ADAM22: variants seen among roughly 807,000 people sequenced by gnomAD.
ADAM22 encodes the protein ADAM metallopeptidase domain 22, also known as disintegrin and metalloproteinase domain-containing protein 22.
ADAM22 carries 65 observed loss-of-function variants against 144.6 expected under a neutral mutation model. The observed-to-expected ratio is 0.45, with a 90% CI of 0.37 to 0.55. ADAM22 has a LOEUF of 0.55. ADAM22 is among the 20% of genes least tolerant of loss of function. ADAM22 has a pLI of 0.00. For missense variants in ADAM22, 974 were observed against 1,184.9 expected, an observed-to-expected ratio of 0.82 and a Z score of 2.61; for synonymous variants, 391 against 412.6, an observed-to-expected ratio of 0.95 and a Z score of 0.63.
chr7:88,104,098 AAAG>A (rs529471984), intron 4 of ADAM22, among the ~76,000 whole-genome samples: 21 of 152,272 alleles, frequency 1.4e-4, no homozygotes, highest in Non-Finnish European at 2.6e-4. Flanking sequence ...TGACAGCAAA[AAAG>A]GAGATTATCT....
intron 7 of ADAM22, among the ~76,000 whole-genome samples, chr7:88,120,316 ATCCC>A (rs1371122892): frequency 6.6e-6 from 1 of 151,878 alleles, no homozygotes; most frequent in Non-Finnish European, 1.5e-5. Context: ...TCCTAATGCT[ATCCC>A]TCCCCCCTTC....
At chr7:87,977,488 G>T (rs1015952244) in intron 2 of ADAM22, among the ~76,000 whole-genome samples, 1 of 152,160 alleles carries the variant, frequency 6.6e-6, no homozygotes, top group Non-Finnish European at 1.5e-5. Flanking sequence ...GATTTTAGAG[G>T]TTTGGATACT....
At chr7:88,130,289 C>A (rs1298182095) in intron 9 of ADAM22, 99 bp from the exon 10 acceptor site, 92 of 744,760 alleles carry the variant, frequency 1.2e-4, no homozygotes, top group South Asian at 2.1e-4. Context: ...TTTTTTTTTA[C>A]ATTTTTAGGG....
chr7:88,127,088 A>C (rs1459298151), intron 8 of ADAM22, among the ~76,000 whole-genome samples: 1 of 151,430 alleles, frequency 6.6e-6, no homozygotes, highest in Admixed American at 6.6e-5. Flanking sequence ...ATATAAACAT[A>C]TGTGTGTGTA....
chr7:87,951,104 A>G (rs1726866577), intron 2 of ADAM22, among the ~76,000 whole-genome samples: 1 of 151,882 alleles, frequency 6.6e-6, no homozygotes, highest in Non-Finnish European at 1.5e-5. Context: ...GTTCACTCTG[A>G]TGGTAGTTTC....
At chr7:87,994,665 A>G (rs1057012779) in intron 3 of ADAM22, among the ~76,000 whole-genome samples, 5 of 152,022 alleles carry the variant, frequency 3.3e-5, no homozygotes, top group Admixed American at 6.6e-5. Flanking sequence ...TCAGATTATA[A>G]CAGACAACAA....
intron 3 of ADAM22, among the ~76,000 whole-genome samples, chr7:88,039,623 G>A (rs981608863): frequency 1.3e-5 from 2 of 149,810 alleles, no homozygotes; most frequent in Non-Finnish European, 3.0e-5. Flanking sequence ...GTGTGTGTGT[G>A]TGTGTCTGTG....
chr7:88,045,826 G>C (rs989353952), intron 3 of ADAM22, among the ~76,000 whole-genome samples: 3 of 150,628 alleles, frequency 2.0e-5, no homozygotes, highest in Non-Finnish European at 4.4e-5. Context: ...ATGTCCTCCA[G>C]GTTCATTCGT....
At chr7:88,069,895 C>A (rs74527778) in intron 3 of ADAM22, among the ~76,000 whole-genome samples, 331 of 152,314 alleles carry the variant, frequency 2.2e-3, no homozygotes, top group African/African-American at 7.5e-3. Context: ...CTGGTTTCTC[C>A]TGCTTTGGCA....
intron 3 of ADAM22, among the ~76,000 whole-genome samples, chr7:88,069,733 C>A (rs1243095594): frequency 1.3e-5 from 2 of 151,684 alleles, no homozygotes; most frequent in Non-Finnish European, 2.9e-5. Flanking sequence ...TGAGGTAGCC[C>A]AGGTGTAGAC....
intron 9 of ADAM22, 74 bp from the exon 10 acceptor site, chr7:88,130,314 C>A: frequency 1.7e-6 from 2 of 1,154,568 alleles, no homozygotes; most frequent in East Asian, 2.5e-5. Flanking sequence ...TTCAATTGCA[C>A]CATGTTTTCT....
chr7:88,175,526 A>AG (rs1172720196), intron 26 of ADAM22, among the ~76,000 whole-genome samples: 46 of 152,150 alleles, frequency 3.0e-4, no homozygotes, highest in Non-Finnish European at 7.4e-5. Context: ...ATACGTTTTG[A>AG]GGGGGAAAAA....
At chr7:88,072,156 C>A (rs1171647893) in intron 3 of ADAM22, among the ~76,000 whole-genome samples, 1 of 152,042 alleles carries the variant, frequency 6.6e-6, no homozygotes, top group Non-Finnish European at 1.5e-5. Context: ...CAAACAAAAC[C>A]AAATTGCATG....
intron 2 of ADAM22, among the ~76,000 whole-genome samples, chr7:87,966,427 A>G (rs1305281043): frequency 2.0e-5 from 3 of 152,202 alleles, no homozygotes; most frequent in Non-Finnish European, 2.9e-5. Flanking sequence ...AAGGCCTAGT[A>G]ATGGGCAGTT....
At chr7:87,982,699 A>ATATATATATATATATAT (rs10527361) in intron 3 of ADAM22, among the ~76,000 whole-genome samples, 161 of 62,724 alleles carry the variant, frequency 2.6e-3, no homozygotes, top group African/African-American at 2.8e-3. Context: ...ATATATATAT[A>ATATATATATATATATAT]ATTTTTTTTT....
At chr7:88,132,706 G>T in intron 11 of ADAM22, 161 bp from the exon 12 acceptor site, 6 of 524,964 alleles carry the variant, frequency 1.1e-5, no homozygotes, top group African/African-American at 1.9e-5. Flanking sequence ...CTTTTTCTTT[G>T]GTTACATGTA....
chr7:88,167,312 G>A (rs1843175607), intron 24 of ADAM22, among the ~76,000 whole-genome samples: 1 of 152,084 alleles, frequency 6.6e-6, no homozygotes, highest in Non-Finnish European at 1.5e-5. Flanking sequence ...CTGCCTTTGA[G>A]CCCTCATTTG....
intron 3 of ADAM22, among the ~76,000 whole-genome samples, chr7:88,025,972 A>G (rs1226144105): frequency 6.6e-6 from 1 of 152,136 alleles, no homozygotes; most frequent in African/African-American, 2.4e-5. Flanking sequence ...GGTCATTTTA[A>G]CAATATCTTT....
chr7:88,100,889 G>T (rs1005457820), intron 4 of ADAM22, among the ~76,000 whole-genome samples: 1 of 151,888 alleles, frequency 6.6e-6, no homozygotes, highest in South Asian at 2.1e-4. Flanking sequence ...GATGCCAGTC[G>T]AGAGGGAGTT....
Sources: gnomAD v4.1 joint callset for allele counts (sites outside exome capture counted in the v4.1 genomes callset) on GRCh38, gnomAD v4.1.1 for gene constraint, MANE v1.5 for transcripts, NCBI Gene and HGNC (gene_info 2026-07-23, HGNC 2026-07-21) for gene names.